Variants in CDH12 observed in about 807,000 individuals in gnomAD.
The protein encoded by CDH12 is cadherin-12.
A neutral mutation model predicts 74.1 loss-of-function variants in CDH12; 41 were observed. That is an observed-to-expected ratio of 0.55 (90% CI 0.43 to 0.72). CDH12 has a LOEUF of 0.72. CDH12 is among the 30% of genes least tolerant of loss of function. The pLI is 0.00. For missense variants in CDH12, 945 were observed against 977.2 expected, an observed-to-expected ratio of 0.97 and a Z score of 0.44; for synonymous variants, 399 against 355.0, an observed-to-expected ratio of 1.12 and a Z score of -1.39.
At chr5:22,758,537 T>A (rs1172243763) in intron 1 of CDH12, among the ~76,000 whole-genome samples, 1 of 116,546 alleles carries the variant, frequency 8.6e-6, no homozygotes, top group African/African-American at 2.9e-5. Context: ...TGATTTATAG[T>A]TTTTTTTTTT....
At chr5:22,493,232 T>C (rs1031559059) in intron 2 of CDH12, among the ~76,000 whole-genome samples, 1 of 152,126 alleles carries the variant, frequency 6.6e-6, no homozygotes, top group Non-Finnish European at 1.5e-5. Flanking sequence ...CTCTAATACA[T>C]CAACTTCCTT....
At chr5:22,811,940 T>C (rs1422892840) in intron 1 of CDH12, among the ~76,000 whole-genome samples, 2 of 152,136 alleles carry the variant, frequency 1.3e-5, no homozygotes, top group African/African-American at 4.8e-5. Flanking sequence ...AGGGTGTTCA[T>C]AGAGGTCGAC....
In CDH12 at chr5:21,872,184, C is replaced by A. The variant is rs145805123; in HGVS notation, c.527-17394G>T. 7.8e-4 allele frequency among the ~76,000 whole-genome samples: 118 copies of A among 152,244 alleles called. 2 individuals carry two copies. In the East Asian group the frequency reaches 0.022, roughly 28 times the overall value. Reference sequence around the variant, plus strand: ...TGCTCAGCGTGGGCCCTGAGTAGCCCCAGCACATCTAATGCTGTGACAGCA... The same window carrying A: ...TGCTCAGCGTGGGCCCTGAGTAGCCACAGCACATCTAATGCTGTGACAGCA... On this transcript the variant is annotated intron_variant, in intron 6 of 14. Coordinates refer to ENST00000382254, the MANE Select transcript of CDH12 (RefSeq NM_004061.5).
chr5:21,897,095 TA>T (rs1199914968), intron 6 of CDH12, among the ~76,000 whole-genome samples: 1 of 152,146 alleles, frequency 6.6e-6, no homozygotes, highest in Non-Finnish European at 1.5e-5. Flanking sequence ...CCAACAAATA[TA>T]ATCAACTGAA....
chr5:22,084,412 A>G (rs1352065757), intron 4 of CDH12, among the ~76,000 whole-genome samples: 2 of 152,214 alleles, frequency 1.3e-5, no homozygotes, highest in African/African-American at 4.8e-5. Flanking sequence ...GAAAGATCTG[A>G]AGTATCATTT....
At chr5:22,464,408 T>C (rs572910728) in intron 2 of CDH12, among the ~76,000 whole-genome samples, 4 of 152,222 alleles carry the variant, frequency 2.6e-5, no homozygotes, top group Non-Finnish European at 5.9e-5. Flanking sequence ...TCCTCAACTC[T>C]TCCTCACCTT....
intron 1 of CDH12, among the ~76,000 whole-genome samples, chr5:22,818,538 G>A (rs945257626): frequency 8.5e-5 from 13 of 152,084 alleles, no homozygotes; most frequent in Non-Finnish European, 1.5e-5. Flanking sequence ...TCTTCAAGAT[G>A]GTGGCATGAA....
intron 5 of CDH12, among the ~76,000 whole-genome samples, chr5:22,044,098 A>G (rs1739762723): frequency 6.6e-6 from 1 of 152,222 alleles, no homozygotes; most frequent in South Asian, 2.1e-4. Context: ...TAAAAATCAC[A>G]TGGAACCACA....
intron 1 of CDH12, among the ~76,000 whole-genome samples, chr5:22,549,261 C>T (rs1738461743): frequency 6.6e-6 from 1 of 152,040 alleles, no homozygotes; most frequent in South Asian, 2.1e-4. Flanking sequence ...ACCTGAGCCA[C>T]CGCACCTGGC....
intron 7 of CDH12, among the ~76,000 whole-genome samples, chr5:21,853,673 C>A (rs955800029): frequency 1.3e-5 from 2 of 151,556 alleles, no homozygotes; most frequent in Non-Finnish European, 3.0e-5. Context: ...TTTACACATA[C>A]CTCTCAGGAA....
chr5:22,429,313 A>ATT (rs908360130), intron 2 of CDH12, among the ~76,000 whole-genome samples: 3 of 150,796 alleles, frequency 2.0e-5, no homozygotes, highest in African/African-American at 7.3e-5. Flanking sequence ...GTTTTTTTGC[A>ATT]TTTTTTTTAG....
chr5:22,753,862 C>T (rs984320750), intron 1 of CDH12, among the ~76,000 whole-genome samples: 25 of 151,964 alleles, frequency 1.6e-4, no homozygotes, highest in Admixed American at 1.4e-3. Flanking sequence ...ATTTGCTTTG[C>T]TAACAAAAAC....
Position 22,402,084 on chromosome 5 carries a change from G to A in CDH12, c.-333+3173C>T, listed in dbSNP as rs116195270. ...CAATGTGTGGCCATTTGTTACGACA[G>A]CCCCAGGAAAGCAATACAGATTTTG... is the stretch of plus-strand genomic sequence containing the variant. On this transcript the variant is annotated intron_variant, in intron 3 of 14. Coordinates refer to ENST00000382254, the MANE Select transcript of CDH12 (RefSeq NM_004061.5). Among the ~76,000 whole-genome samples, 393 of 152,280 alleles carry A rather than the reference G, an allele frequency of 2.6e-3. 2 individuals are homozygous for A. Among genetic ancestry groups the A allele is most frequent in the African/African-American group, 8.7e-3 (360 of 41,560 alleles).
intron 2 of CDH12, among the ~76,000 whole-genome samples, chr5:22,475,862 G>A (rs7714938): frequency 0.39 from 58,554 of 151,662 alleles, 11,524 homozygotes; most frequent in Non-Finnish European, 0.42. Flanking sequence ...AATTTACCTG[G>A]CCTTTCAAAA....
chr5:22,494,178 A>G (rs1298722280), intron 2 of CDH12, among the ~76,000 whole-genome samples: 4 of 152,206 alleles, frequency 2.6e-5, no homozygotes. Context: ...AAAAATGTCG[A>G]ATCTGAGCCA....
intron 2 of CDH12, among the ~76,000 whole-genome samples, chr5:22,476,054 T>C (rs1417906168): frequency 5.9e-5 from 9 of 152,090 alleles, no homozygotes; most frequent in Non-Finnish European, 1.3e-4. Context: ...AAATTATTCC[T>C]CCCTTCATGT....
At chr5:22,678,657 C>T (rs1352950092) in intron 1 of CDH12, among the ~76,000 whole-genome samples, 4 of 152,032 alleles carry the variant, frequency 2.6e-5, no homozygotes, top group African/African-American at 9.7e-5. Context: ...AAAAGTAAAA[C>T]TCTAAAGTGT....
intron 10 of CDH12, among the ~76,000 whole-genome samples, chr5:21,798,920 T>G (rs936008966): frequency 6.6e-6 from 1 of 152,060 alleles, no homozygotes; most frequent in African/African-American, 2.4e-5. Flanking sequence ...TACCTAAAAA[T>G]GTAGAAGTGG....
intron 1 of CDH12, among the ~76,000 whole-genome samples, chr5:22,781,232 C>T (rs1747369530): frequency 6.6e-6 from 1 of 152,198 alleles, no homozygotes; most frequent in Non-Finnish European, 1.5e-5. Context: ...CAAAGCTTTA[C>T]AGCTCCTAAC....
Sources: allele counts gnomAD v4.1 joint callset (sites outside exome capture counted in the v4.1 genomes callset), GRCh38; gene constraint gnomAD v4.1.1; transcripts MANE v1.5; gene names NCBI Gene and HGNC (gene_info 2026-07-23, HGNC 2026-07-21).